The following PXDN variants were observed in gnomAD, a reference collection of about 807,000 sequenced individuals.
PXDN encodes the protein peroxidasin homolog.
PXDN carries 77 observed loss-of-function variants against 140.3 expected under a neutral mutation model. The observed-to-expected ratio is 0.55, with a 90% CI of 0.46 to 0.66. PXDN has a LOEUF of 0.66. Among genes scored for constraint, PXDN ranks in the 30% least tolerant of loss-of-function variants. The probability of loss-of-function intolerance (pLI) is 0.00; values close to 1 mark genes in which losing one functional copy is unlikely to be tolerated. For missense variants in PXDN, 1,838 were observed against 2,039.5 expected, an observed-to-expected ratio of 0.90 and a Z score of 1.90; for synonymous variants, 911 against 857.4, an observed-to-expected ratio of 1.06 and a Z score of -1.09.
In PXDN at chr2:1,648,037, T is replaced by C. The variant is rs1682892713; in HGVS notation, c.3608+135A>G. ...CTGCAGGTTCCCATCTTGACCTTCATGGACTTGACCTTCATCTCACCTCTG... is the reference window on the plus strand; with the variant it reads ...CTGCAGGTTCCCATCTTGACCTTCACGGACTTGACCTTCATCTCACCTCTG... On this transcript the variant is annotated intron_variant, in intron 17 of 22. Coordinates refer to ENST00000252804, the MANE Select transcript of PXDN (RefSeq NM_012293.3). The surrounding 1 kb of genome is among the most constrained non-coding windows in gnomAD (Gnocchi z 8.9). The C allele has an allele frequency of 1.6e-6, 2 of 1,274,600 alleles. No homozygotes were observed. Among genetic ancestry groups the C allele is most frequent in the South Asian group, 2.9e-5 (2 of 68,764 alleles). 79.0% of individuals were successfully genotyped at this position (1,274,600 alleles called of 1,614,324 possible).
intron 18 of PXDN, among the ~76,000 whole-genome samples, 166 bp from the exon 19 acceptor site, chr2:1,643,742 C>T (rs553566540): frequency 6.6e-6 from 1 of 152,036 alleles, no homozygotes; most frequent in South Asian, 2.1e-4. Context: ...CATCCCCTAC[C>T]CCATAACAAA....
chr2:1,680,409 T>C (rs1327655920), intron 6 of PXDN, 47 bp from the exon 7 acceptor site: 2 of 1,601,234 alleles, frequency 1.2e-6, no homozygotes, highest in South Asian at 1.1e-5. Flanking sequence ...TGGCTGGGCT[T>C]GTCCATCCAT....
At position 1,685,732 on chromosome 2, in the gene PXDN, G is replaced by A. The variant is rs1281995432; in HGVS notation, c.417-1581C>T. 8.0e-6 allele frequency among the ~76,000 whole-genome samples: 1 copy of A among 125,612 alleles called. No individual in the cohort carries two copies. Among genetic ancestry groups the A allele is most frequent in the East Asian group, 2.0e-4 (1 of 5,036 alleles). The allele number at this position is 125,612 out of a possible 152,430, so 82.4% of individuals were successfully genotyped here. A position where few individuals can be genotyped will look rare whatever the true frequency, so the allele number is the denominator to read the frequency against. ...GCTGAGTGGGTGGGACTTGGCACCTGCTGCACAGGTGCTACGGGAAATGAC... is the reference window on the plus strand; with the variant it reads ...GCTGAGTGGGTGGGACTTGGCACCTACTGCACAGGTGCTACGGGAAATGAC... On this transcript the variant is annotated intron_variant, in intron 4 of 22. Transcript: ENST00000252804. This position sits in a 1 kb window ranked among gnomAD's most constrained non-coding sequence, Gnocchi z 5.1.
At chr2:1,661,825 T>C (rs1466549008) in intron 13 of PXDN, among the ~76,000 whole-genome samples, 1 of 152,238 alleles carries the variant, frequency 6.6e-6, no homozygotes, top group East Asian at 1.9e-4. Flanking sequence ...TTTGTTCTTA[T>C]TAGTAAGGAT....
Position 1,649,500 on chromosome 2 carries a change from C to G in PXDN, c.2280G>C (p.Leu760=). ...ATTTCAGCAGGCGCTCGAAGGCGGT[C>G]AGCGAGGCGCCCCACATGGGGTGCT... ...NLQHPMWGAS[L]TAFERLLKSV... The change falls in exon 17 of 23, where the codon CTG becomes CTC. Residue 760 remains leucine (L), a synonymous_variant. Coordinates refer to ENST00000252804, the MANE Select transcript of PXDN (RefSeq NM_012293.3). This position sits in a 1 kb window ranked among gnomAD's most constrained non-coding sequence, Gnocchi z 7.1. The G allele has an allele frequency of 1.9e-6, 3 of 1,614,012 alleles. No individual in the cohort carries two copies. The highest frequency in any genetic ancestry group is 2.5e-6 in the Non-Finnish European group (3 of 1,179,892).
intron 19 of PXDN, among the ~76,000 whole-genome samples, chr2:1,641,517 G>C (rs1682727466): frequency 6.6e-6 from 1 of 152,208 alleles, no homozygotes; most frequent in Admixed American, 6.5e-5. Flanking sequence ...TGTCAAATCT[G>C]AGTTCTGTTT....
At chr2:1,707,543 T>G (rs62116633) in intron 1 of PXDN, among the ~76,000 whole-genome samples, 39,945 of 152,200 alleles carry the variant, frequency 0.26, 5,629 homozygotes, top group Middle Eastern at 0.32. Flanking sequence ...GACTTTTGTG[T>G]AAATAATCAA....
rs1683289995 is a variant in PXDN, at chr2:1,660,935, C to T, written c.1783G>A (p.Val595Met). 6.2e-7 allele frequency: 1 copy of T among 1,613,872 alleles called. No individual in the cohort carries two copies. Among genetic ancestry groups the T allele is most frequent in the Admixed American group, 1.7e-5 (1 of 60,004 alleles). The change falls in exon 14 of 23, where the codon GTG becomes ATG. Residue 595 changes from valine to methionine, a missense_variant. Transcript: ENST00000252804. The surrounding 1 kb of genome is among the most constrained non-coding windows in gnomAD (Gnocchi z 4.6). ...GCCGACCCAATGGTGTTCCGGGCCA[C>T]ACACTCATAGCGACCTGCGTCTGCA... is the stretch of plus-strand genomic sequence containing the variant. ...GPADAGRYEC[V>M]ARNTIGSASV... is the part of the protein sequence containing the mutation.
chr2:1,695,006 C>T (rs6755378), intron 1 of PXDN, among the ~76,000 whole-genome samples: 6,749 of 152,306 alleles, frequency 0.044, 492 homozygotes, highest in African/African-American at 0.15. Context: ...CAAAAATCAA[C>T]TCTGACCACA....
chr2:1,685,075 G>C lies in PXDN; in HGVS notation c.417-924C>G, dbSNP rs1274256858. 2.6e-5 allele frequency among the ~76,000 whole-genome samples: 4 copies of C among 152,238 alleles called. No individual in the cohort carries two copies. The highest frequency in any genetic ancestry group is 5.9e-5 in the Non-Finnish European group (4 of 68,040). ...GAACGCACGCCTGAGAATCAGGTCT[G>C]TGGACATCCTGAGATCACCGTCACC... On this transcript the variant is annotated intron_variant, in intron 4 of 22. Coordinates refer to ENST00000252804, the MANE Select transcript of PXDN (RefSeq NM_012293.3). The surrounding 1 kb of genome is among the most constrained non-coding windows in gnomAD (Gnocchi z 5.1).
At chr2:1,657,639 CCCT>C (rs1332886076) in intron 14 of PXDN, among the ~76,000 whole-genome samples, 1 of 151,604 alleles carries the variant, frequency 6.6e-6, no homozygotes, top group Non-Finnish European at 1.5e-5. Context: ...CAAGGAACTA[CCCT>C]CTCTTGACAG....
intron 1 of PXDN, 86 bp downstream of exon 1, chr2:1,744,170 C>G (rs1685632337): frequency 1.6e-6 from 2 of 1,278,792 alleles, no homozygotes; most frequent in Admixed American, 3.7e-5. Context: ...CCACCCTCCG[C>G]GCCCCCCACC....
At chr2:1,664,551 C>G (rs969750044) in intron 11 of PXDN, 2 of 168,496 alleles carry the variant, frequency 1.2e-5, no homozygotes, top group African/African-American at 2.4e-5. Flanking sequence ...AAAGTCAGAG[C>G]AAAAGCTATT....
At chr2:1,722,421 T>C (rs1685074226) in intron 1 of PXDN, among the ~76,000 whole-genome samples, 1 of 152,212 alleles carries the variant, frequency 6.6e-6, no homozygotes, top group Non-Finnish European at 1.5e-5. Context: ...ATCCATTGCG[T>C]GCAATGCATG....
chr2:1,717,786 TCTG>T (rs1234933245), intron 1 of PXDN, among the ~76,000 whole-genome samples: 1 of 148,564 alleles, frequency 6.7e-6, no homozygotes, highest in Non-Finnish European at 1.5e-5. Flanking sequence ...ACTAACCTAC[TCTG>T]CTAAGCGACC....
rs565398993 is a variant in PXDN at position 1,639,315 on chromosome 2, G to A, written c.4060C>T (p.Arg1354Trp). Reference sequence around the variant, plus strand: ...AGACCACCATACCTGGGTATTTTCCGTGGTCTTGTTTTCTTGGTCGGCTTG... The same window carrying A: ...AGACCACCATACCTGGGTATTTTCCATGGTCTTGTTTTCTTGGTCGGCTTG... ...EDKPTKKTRPRKIPSVGRQGE... is the reference protein window; with the variant it reads ...EDKPTKKTRPWKIPSVGRQGE... Residue 1354 changes from arginine (R) to tryptophan (W), a missense_variant, in exon 20 of 23, where the codon CGG (arginine) becomes TGG (tryptophan). By Grantham distance (101) the Arg-to-Trp change is moderately radical. Around this residue, in one of 5 missense-constraint regions of PXDN, gnomAD observed 850 missense variants for 894.1 expected, o/e 0.95. Coordinates refer to ENST00000252804, the MANE Select transcript of PXDN (RefSeq NM_012293.3). The surrounding 1 kb of genome is among the most constrained non-coding windows in gnomAD (Gnocchi z 5.0). 6.4e-5 allele frequency: 104 copies of A among 1,613,502 alleles called. 1 individual carries two copies. Among genetic ancestry groups the A allele is most frequent in the South Asian group, 3.0e-4 (27 of 90,960 alleles).
intron 1 of PXDN, among the ~76,000 whole-genome samples, chr2:1,715,272 G>A (rs893929319): frequency 6.6e-6 from 1 of 152,164 alleles, no homozygotes; most frequent in Non-Finnish European, 1.5e-5. Flanking sequence ...ACGGTCATCT[G>A]CTAAAGAACC....
chr2:1,679,590 CGTGTATGTGCGT>C (rs1292077682), intron 7 of PXDN, among the ~76,000 whole-genome samples: 5 of 28,906 alleles, frequency 1.7e-4, no homozygotes, highest in Admixed American at 1.5e-3. Flanking sequence ...ATGGTGTGTG[CGTGTATGTGCGT>C]GTGTGTGTGT....
intron 1 of PXDN, among the ~76,000 whole-genome samples, chr2:1,743,029 T>G (rs1046583794): frequency 6.6e-6 from 1 of 152,364 alleles, no homozygotes; most frequent in South Asian, 2.1e-4. Flanking sequence ...ATTTTTGGCA[T>G]GCAGAAAAGT....
Sources: gnomAD v4.1 joint callset for allele counts (sites outside exome capture counted in the v4.1 genomes callset) on GRCh38, gnomAD v4.1.1 for gene constraint, gnomAD v4.1.1 regional missense constraint, Gnocchi (gnomAD v3.1) non-coding constraint, MANE v1.5 for transcripts, NCBI Gene and HGNC (gene_info 2026-07-23, HGNC 2026-07-21) for gene names.